Variants in COL23A1 observed in about 807,000 individuals in gnomAD.
COL23A1 encodes the protein collagen type XXIII alpha 1 chain, also known as collagen alpha-1(XXIII) chain.
In COL23A1, 97 loss-of-function variants were observed where a neutral mutation model predicts 99.3. That is an observed-to-expected ratio of 0.98 (90% confidence interval 0.83 to 1.16). COL23A1 has a LOEUF of 1.16. Ranked by LOEUF, COL23A1 falls within the 50% of genes most tolerant of loss-of-function variation. The probability of loss-of-function intolerance (pLI) is 0.00; values close to 1 mark genes in which losing one functional copy is unlikely to be tolerated. For synonymous variants in COL23A1, 320 were observed against 308.2 expected, an observed-to-expected ratio of 1.04 and a Z score of -0.40; for missense variants, 762 against 757.4, an observed-to-expected ratio of 1.01 and a Z score of -0.07.
chr5:178,260,196 G>GA (rs1765554971), intron 11 of COL23A1, among the ~76,000 whole-genome samples: 1 of 152,246 alleles, frequency 6.6e-6, no homozygotes, highest in African/African-American at 2.4e-5. Context: ...ACATCCACGT[G>GA]AAAACCTGCA....
chr5:178,571,341 G>A (rs1484566383), intron 1 of COL23A1, among the ~76,000 whole-genome samples: 4 of 152,080 alleles, frequency 2.6e-5, no homozygotes, highest in Non-Finnish European at 5.9e-5. Flanking sequence ...CAGCCTGGGT[G>A]ACAGAGTGAT....
Position 178,415,444 on chromosome 5 carries a change from GC to G in COL23A1, c.362-108526del, listed in dbSNP as rs1228297859. Among the ~76,000 whole-genome samples, 2 of 152,004 alleles carry G rather than the reference GC, an allele frequency of 1.3e-5. No homozygotes were observed. Among genetic ancestry groups the G allele is most frequent in the Admixed American group, 6.6e-5 (1 of 15,266 alleles). On this transcript the variant is annotated intron_variant, in intron 2 of 28. Coordinates refer to ENST00000390654, the MANE Select transcript of COL23A1 (RefSeq NM_173465.4). The surrounding 1 kb of genome is among the most constrained non-coding windows in gnomAD (Gnocchi z 4.6). ...GTGGCCTCTTTCTCCCCGGGCCCGG[GC>G]CCTGGAGCACGGCTCACCCTGCTGC...
chr5:178,552,875 G>T (rs917740358), intron 2 of COL23A1, among the ~76,000 whole-genome samples: 1 of 151,870 alleles, frequency 6.6e-6, no homozygotes, highest in Non-Finnish European at 1.5e-5. Context: ...CACCACACCT[G>T]GCTAATTTTT....
chr5:178,430,677 C>T (rs914572890), intron 2 of COL23A1, among the ~76,000 whole-genome samples: 6 of 152,146 alleles, frequency 3.9e-5, no homozygotes, highest in African/African-American at 1.4e-4. Flanking sequence ...TGGTTTCTTT[C>T]AATGGCAACT....
chr5:178,256,270 G>T, intron 15 of COL23A1, 83 bp downstream of exon 15: 1 of 971,180 alleles, frequency 1.0e-6, no homozygotes. Flanking sequence ...CTCCTCTGGG[G>T]TCTCTGTGGG....
At chr5:178,541,667 G>A (rs559150830) in intron 2 of COL23A1, among the ~76,000 whole-genome samples, 5 of 152,170 alleles carry the variant, frequency 3.3e-5, no homozygotes, top group East Asian at 1.9e-4. Flanking sequence ...AAATGCATAC[G>A]TATGTTCACT....
At chr5:178,548,367 G>A (rs953197035) in intron 2 of COL23A1, among the ~76,000 whole-genome samples, 29 of 151,568 alleles carry the variant, frequency 1.9e-4, no homozygotes, top group African/African-American at 4.9e-4. Flanking sequence ...ACTCTTAATC[G>A]TCCCCATCCT....
intron 2 of COL23A1, among the ~76,000 whole-genome samples, chr5:178,403,316 C>T (rs531642783): frequency 1.3e-5 from 2 of 152,274 alleles, no homozygotes; most frequent in African/African-American, 2.4e-5. Context: ...GTCATGCACC[C>T]AGCAACGGCT....
chr5:178,505,949 G>A (rs73340609), intron 2 of COL23A1, among the ~76,000 whole-genome samples: 9 of 152,052 alleles, frequency 5.9e-5, no homozygotes, highest in Non-Finnish European at 1.2e-4. Context: ...AGGACCCACG[G>A]TGAGTCTAAG....
chr5:178,397,137 T>A, intron 2 of COL23A1, among the ~76,000 whole-genome samples: 1 of 152,194 alleles, frequency 6.6e-6, no homozygotes, highest in East Asian at 1.9e-4. Flanking sequence ...AGTGGCAGCA[T>A]GGCTGGGCTG....
chr5:178,413,921 A>G (rs1204860596), intron 2 of COL23A1, among the ~76,000 whole-genome samples: 2 of 152,212 alleles, frequency 1.3e-5, no homozygotes, highest in East Asian at 3.9e-4. Context: ...ATCTGCAGAT[A>G]AGGTCTTGGG....
chr5:178,489,601 G>A (rs1757818984), intron 2 of COL23A1, among the ~76,000 whole-genome samples: 1 of 152,206 alleles, frequency 6.6e-6, no homozygotes, highest in African/African-American at 2.4e-5. Flanking sequence ...GGCTGGGGGA[G>A]AGGCAGGAAT....
At position 178,359,754 on chromosome 5, in the gene COL23A1, G is replaced by A. The variant is rs558897866; in HGVS notation, c.362-52835C>T. Among the ~76,000 whole-genome samples, 5 of 152,330 alleles carry A rather than the reference G, an allele frequency of 3.3e-5. No homozygotes were observed. The South Asian group carries it at 6.2e-4, about 19-fold the overall frequency. On this transcript the variant is annotated intron_variant, in intron 2 of 28. Coordinates refer to ENST00000390654, the MANE Select transcript of COL23A1 (RefSeq NM_173465.4). ...CTTGTGTGCAAAGCCCAAGCTGGGAGGGGGCCCAGGCCACTTCTTTGAAGG... is the reference window on the plus strand; with the variant it reads ...CTTGTGTGCAAAGCCCAAGCTGGGAAGGGGCCCAGGCCACTTCTTTGAAGG...
intron 2 of COL23A1, among the ~76,000 whole-genome samples, chr5:178,311,253 GCAACTTACT>G (rs146981744): frequency 0.026 from 3,972 of 152,250 alleles, 175 homozygotes; most frequent in African/African-American, 0.091. Context: ...TGTCTTCTGA[GCAACTTACT>G]CAACCTCATT....
At chr5:178,274,648 C>T (rs1237220319) in intron 5 of COL23A1, among the ~76,000 whole-genome samples, 2 of 152,126 alleles carry the variant, frequency 1.3e-5, no homozygotes, top group East Asian at 1.9e-4. Context: ...TCAGCTGCCC[C>T]GTTCCTCTCC....
chr5:178,288,330 G>T lies in COL23A1; in HGVS notation c.435C>A (p.Gly145=). The T allele has an allele frequency of 6.2e-7, 1 of 1,610,706 alleles. No homozygotes were observed. Among genetic ancestry groups the T allele is most frequent in the Non-Finnish European group, 8.5e-7 (1 of 1,176,754 alleles). The change falls in exon 5 of 29, where the codon GGC becomes GGA. Residue 145 remains glycine, a synonymous_variant. Coordinates refer to ENST00000390654, the MANE Select transcript of COL23A1 (RefSeq NM_173465.4). ...AAAATAAATGACAAATTACCGGGTA[G>T]CCATCTCGTCCTGATTGCCCCTGTG... ...PGPPGQSGRD[G]YPGPLGLDGK... is the part of the protein sequence containing the mutation.
chr5:178,347,664 T>C (rs987099848), intron 2 of COL23A1, among the ~76,000 whole-genome samples: 29 of 151,560 alleles, frequency 1.9e-4, no homozygotes, highest in Non-Finnish European at 3.4e-4. Context: ...GGGCGGATCA[T>C]GAGGTCAAGA....
intron 1 of COL23A1, among the ~76,000 whole-genome samples, chr5:178,581,999 C>G (rs1387662236): frequency 2.0e-5 from 3 of 151,976 alleles, no homozygotes; most frequent in African/African-American, 7.3e-5. Flanking sequence ...GGGTAACATT[C>G]ATCATGCTAA....
intron 3 of COL23A1, among the ~76,000 whole-genome samples, chr5:178,303,390 A>G (rs752401494): frequency 1.5e-4 from 23 of 152,208 alleles, no homozygotes; most frequent in Non-Finnish European, 4.4e-5. Flanking sequence ...CAAAATTCAG[A>G]TATTTCCTGA....
Sources: allele counts gnomAD v4.1 joint callset (sites outside exome capture counted in the v4.1 genomes callset), GRCh38; gene constraint gnomAD v4.1.1; non-coding constraint Gnocchi (gnomAD v3.1); transcripts MANE v1.5; gene names NCBI Gene and HGNC (gene_info 2026-07-23, HGNC 2026-07-21).